MAN2A2: variants seen among roughly 807,000 people sequenced by gnomAD.
The protein encoded by MAN2A2 is alpha-mannosidase 2x.
A neutral mutation model predicts 126.8 loss-of-function variants in MAN2A2; 79 were observed. The observed-to-expected ratio is 0.62, with a 90% CI of 0.52 to 0.75. The LOEUF (loss-of-function observed/expected upper bound fraction) is 0.75, where lower values mean the gene tolerates loss of function less well. MAN2A2 is among the 30% of genes least tolerant of loss of function. The pLI is 0.00. For missense variants in MAN2A2, 1,392 were observed against 1,522.4 expected, an observed-to-expected ratio of 0.91 and a Z score of 1.43; for synonymous variants, 671 against 618.7, an observed-to-expected ratio of 1.08 and a Z score of -1.25.
Position 90,905,641 on chromosome 15 carries a change from C to G in MAN2A2, c.453C>G (p.Gly151=), listed in dbSNP as rs764344742. 10 of 1,614,158 alleles carry G rather than the reference C, an allele frequency of 6.2e-6. No homozygotes were observed. In the Admixed American group the frequency reaches 1.7e-4, roughly 27 times the overall value. The change falls in exon 4 of 23, where the codon GGC becomes GGG. Residue 151 remains glycine (G), a synonymous_variant. Transcript: ENST00000559717. ...TGGATGGTGGTGTGTGGAGGCAAGG[C>G]TTCGACATCTCCTACGACCCGCACG... The part of the protein sequence containing the change: ...DNVDGGVWRQ[G]FDISYDPHDW...
At chr15:90,918,476 G>A (rs1215083701) in intron 21 of MAN2A2, 88 bp downstream of exon 21, 12 of 1,456,828 alleles carry the variant, frequency 8.2e-6, no homozygotes, top group Non-Finnish European at 1.1e-5. Context: ...CCAGGATGAG[G>A]TCCAGACCCC....
intron 19 of MAN2A2, among the ~76,000 whole-genome samples, chr15:90,914,933 G>T (rs2035051764): frequency 6.6e-6 from 1 of 152,218 alleles, no homozygotes; most frequent in African/African-American, 2.4e-5. Context: ...AGGGCAAAAC[G>T]AACAGTTTGC....
intron 22 of MAN2A2, among the ~76,000 whole-genome samples, chr15:90,918,964 C>G (rs1014185405): frequency 6.6e-6 from 1 of 152,134 alleles, no homozygotes; most frequent in Non-Finnish European, 1.5e-5. Flanking sequence ...ACTTTTGTTC[C>G]CTGAGCAGGG....
intron 8 of MAN2A2, among the ~76,000 whole-genome samples, chr15:90,908,773 A>G (rs2034495510): frequency 6.6e-6 from 1 of 151,998 alleles, no homozygotes; most frequent in African/African-American, 2.4e-5. Context: ...ACAGGGTTTC[A>G]CCATATTGGC....
intron 19 of MAN2A2, among the ~76,000 whole-genome samples, chr15:90,915,148 A>G (rs1444988816): frequency 6.6e-6 from 1 of 152,172 alleles, no homozygotes; most frequent in Non-Finnish European, 1.5e-5. Flanking sequence ...GCAGCCCAAT[A>G]TCCCTCACTG....
At chr15:90,910,756 G>C in intron 11 of MAN2A2, 73 bp downstream of exon 11, 1 of 1,602,238 alleles carries the variant, frequency 6.2e-7, no homozygotes, top group Non-Finnish European at 8.5e-7. Flanking sequence ...GGTGGTCAGG[G>C]GGTAGGCCGG....
At position 90,910,229 on chromosome 15, in the gene MAN2A2, C is replaced by T; in HGVS notation, c.1514C>T (p.Thr505Ile). 2 of 1,614,194 alleles carry T rather than the reference C, an allele frequency of 1.2e-6. No homozygotes were observed. The highest frequency in any genetic ancestry group is 8.5e-7 in the Non-Finnish European group (1 of 1,180,040). Reference protein sequence around the residue: ...SYADREDHYWTGYYTSRPFYK... With the variant: ...SYADREDHYWIGYYTSRPFYK... ...GCGGACCGGGAGGATCATTACTGGA[C>T]AGGCTATTACACTTCCCGGCCCTTC... Residue 505 changes from threonine (T) to isoleucine (I), a missense_variant, in exon 10 of 23, where the codon ACA becomes ATA. Coordinates refer to ENST00000559717, the MANE Select transcript of MAN2A2 (RefSeq NM_006122.4).
intron 7 of MAN2A2, 179 bp downstream of exon 7, chr15:90,907,092 C>T (rs945850056): frequency 1.1e-6 from 1 of 889,696 alleles, no homozygotes. Context: ...CTGGCCTCTA[C>T]AGGGCCTGCT....
chr15:90,904,620 C>T (rs28625852), intron 2 of MAN2A2, among the ~76,000 whole-genome samples: 8,646 of 150,704 alleles, frequency 0.057, 789 homozygotes, highest in African/African-American at 0.19. Flanking sequence ...GACAGAGTCT[C>T]GCTCTGTCGC....
chr15:90,908,541 A>G (rs1051042912), intron 8 of MAN2A2, among the ~76,000 whole-genome samples: 1 of 152,128 alleles, frequency 6.6e-6, no homozygotes, highest in Admixed American at 6.5e-5. Context: ...CTAAGTGTTT[A>G]ACAAATATTC....
chr15:90,919,914 C>A lies in MAN2A2; in HGVS notation c.*127C>A. 1 of 1,148,464 alleles carries A rather than the reference C, an allele frequency of 8.7e-7. No homozygotes were observed. The highest frequency in any genetic ancestry group is 1.2e-6 in the Non-Finnish European group (1 of 814,526). The allele number at this position is 1,148,464 out of a possible 1,614,324, so 71.1% of individuals were successfully genotyped here. On this transcript the variant is annotated 3_prime_UTR_variant, in exon 23 of 23. Transcript: ENST00000559717. ...CAGAACTGTGACACACTGGGCTCTGCCCTCATTTTCTGTTTATTGCTGCTG... is the reference window on the plus strand; with the variant it reads ...CAGAACTGTGACACACTGGGCTCTGACCTCATTTTCTGTTTATTGCTGCTG...
chr15:90,911,912 C>T, intron 14 of MAN2A2, 131 bp from the exon 15 acceptor site: 1 of 732,212 alleles, frequency 1.4e-6, no homozygotes, highest in Non-Finnish European at 2.3e-6. Context: ...CAGATCACCT[C>T]CACTTTGGAG....
intron 19 of MAN2A2, among the ~76,000 whole-genome samples, chr15:90,914,751 C>A (rs529893491): frequency 6.6e-6 from 1 of 152,302 alleles, no homozygotes; most frequent in East Asian, 1.9e-4. Context: ...AACTCCTGAC[C>A]TTGTGATCTG....
At chr15:90,909,655 GT>G in intron 9 of MAN2A2, 151 bp downstream of exon 9, 2 of 762,694 alleles carry the variant, frequency 2.6e-6, no homozygotes, top group African/African-American at 3.6e-5. Context: ...CCAGGCTGGA[GT>G]TCAGTGGCGC....
chr15:90,911,503 A>C lies in MAN2A2; in HGVS notation c.2062A>C (p.Ser688Arg). The C allele has an allele frequency of 6.2e-7, 1 of 1,614,034 alleles. No individual in the cohort carries two copies. The highest frequency in any genetic ancestry group is 1.3e-5 in the African/African-American group (1 of 75,042). Residue 688 changes from serine (S) to arginine (R), a missense_variant, in exon 14 of 23, where the codon AGC (serine) becomes CGC (arginine). Transcript: ENST00000559717. Reference protein sequence around the residue: ...EEGQPLAVQISAHWSSATEAV... With the variant: ...EEGQPLAVQIRAHWSSATEAV... ...GGGTCAGCCCCTGGCCGTGCAGATCAGCGCACACTGGAGCTCTGCCACCGA... is the reference window on the plus strand; with the variant it reads ...GGGTCAGCCCCTGGCCGTGCAGATCCGCGCACACTGGAGCTCTGCCACCGA...
intron 21 of MAN2A2, 54 bp from the exon 22 acceptor site, chr15:90,918,591 C>A: frequency 7.4e-7 from 1 of 1,345,594 alleles, no homozygotes; most frequent in South Asian, 1.2e-5. Context: ...GCTGCTGCAT[C>A]TCCGATCTCT....
rs1191792254 is a variant in MAN2A2 at position 90,913,676 on chromosome 15, C to T, written c.2781C>T (p.Val927=). The T allele has an allele frequency of 6.2e-7, 1 of 1,611,594 alleles. No homozygotes were observed. Among genetic ancestry groups the T allele is most frequent in the African/African-American group, 1.3e-5 (1 of 75,032 alleles). ...AGGCCAACTTCTACCCCATGCCAGT[C>T]ATGGCCTATATCCAGGACGCACAGA... ...PLQANFYPMP[V]MAYIQDAQKR... Residue 927 remains valine (V), a synonymous_variant, in exon 19 of 23, where the codon GTC becomes GTT. Coordinates refer to ENST00000559717, the MANE Select transcript of MAN2A2 (RefSeq NM_006122.4).
At chr15:90,910,715 C>G in intron 11 of MAN2A2, 32 bp downstream of exon 11, 1 of 1,611,252 alleles carries the variant, frequency 6.2e-7, no homozygotes, top group Non-Finnish European at 8.5e-7. Flanking sequence ...TTGTAAGCTC[C>G]CCTGCTCACT....
At position 90,906,397 on chromosome 15, in the gene MAN2A2, T is replaced by C; in HGVS notation, c.735T>C (p.Ile245=). 1 of 1,614,110 alleles carries C rather than the reference T, an allele frequency of 6.2e-7. No individual in the cohort carries two copies. Among genetic ancestry groups the C allele is most frequent in the Non-Finnish European group, 8.5e-7 (1 of 1,179,996 alleles). ...TGGTGGGAAACGGGCAGCTGGAGATTGCGACAGGAGGCTGGGTGATGCCAG... is the reference window on the plus strand; with the variant it reads ...TGGTGGGAAACGGGCAGCTGGAGATCGCGACAGGAGGCTGGGTGATGCCAG... ...RRLVGNGQLE[I]ATGGWVMPDE... Residue 245 remains isoleucine, a synonymous_variant, in exon 6 of 23, where the codon ATT becomes ATC. Coordinates refer to ENST00000559717, the MANE Select transcript of MAN2A2 (RefSeq NM_006122.4).
Sources: gnomAD v4.1 joint callset for allele counts (sites outside exome capture counted in the v4.1 genomes callset) on GRCh38, gnomAD v4.1.1 for gene constraint, MANE v1.5 for transcripts, NCBI Gene and HGNC (gene_info 2026-07-23, HGNC 2026-07-21) for gene names.